Variants in ESYT2 observed in about 807,000 individuals in gnomAD.
ESYT2 encodes extended synaptotagmin 2.
In ESYT2, 54 loss-of-function variants were observed where a neutral mutation model predicts 107.2. That is an observed-to-expected ratio of 0.50 (90% CI 0.40 to 0.63). The LOEUF is 0.63. Ranked by LOEUF, ESYT2 falls within the 30% of genes least tolerant of loss-of-function variation. The pLI is 0.00. For missense variants in ESYT2, 1,020 were observed against 1,094.5 expected (o/e 0.93, Z 0.96); for synonymous variants, 491 against 434.1 (o/e 1.13, Z -1.63).
rs528813013 is a variant in ESYT2, at chr7:158,752,127, A to G, written c.1482+654T>C. Among the ~76,000 whole-genome samples, 8 of 152,302 alleles carry G rather than the reference A, an allele frequency of 5.3e-5. 1 individual carries two copies. The highest frequency in any genetic ancestry group is 1.7e-4 in the African/African-American group (7 of 41,570). ...TAAATAATTTCATTTAAAATTCCCC[A>G]CCTCTCCCTAAAATTTAAGCCTAAA... On this transcript the variant is annotated intron_variant, in intron 14 of 22. Coordinates refer to ENST00000275418, the MANE Select transcript of ESYT2 (RefSeq NM_001367773.1).
chr7:158,827,162 C>CA (rs34940580), intron 1 of ESYT2, among the ~76,000 whole-genome samples: 11,197 of 105,832 alleles, frequency 0.11, 641 homozygotes, highest in Admixed American at 0.22. Context: ...GGCTCTGTCT[C>CA]AAAAAAAAAA....
At chr7:158,777,879 G>A (rs947553616) in intron 6 of ESYT2, among the ~76,000 whole-genome samples, 3 of 152,130 alleles carry the variant, frequency 2.0e-5, no homozygotes, top group Non-Finnish European at 4.4e-5. Flanking sequence ...GAAATTCTGC[G>A]AGAATTGCCG....
chr7:158,780,960 G>A (rs1007197068), intron 6 of ESYT2, among the ~76,000 whole-genome samples: 5 of 152,224 alleles, frequency 3.3e-5, no homozygotes, highest in African/African-American at 4.8e-5. Flanking sequence ...CAAAGAGTGT[G>A]AGAGGCTGTG....
chr7:158,810,275 A>T (rs1480418198), intron 1 of ESYT2, among the ~76,000 whole-genome samples: 1 of 152,244 alleles, frequency 6.6e-6, no homozygotes, highest in Non-Finnish European at 1.5e-5. Flanking sequence ...AAAACAGCTC[A>T]AAGGATCATT....
intron 6 of ESYT2, among the ~76,000 whole-genome samples, chr7:158,781,142 G>C (rs552869627): frequency 2.0e-5 from 3 of 152,234 alleles, no homozygotes; most frequent in South Asian, 2.1e-4. Flanking sequence ...AGTGTGAAAC[G>C]AATGTGAGAA....
intron 5 of ESYT2, 89 bp downstream of exon 5, chr7:158,788,256 G>T: frequency 7.4e-7 from 1 of 1,348,610 alleles, no homozygotes; most frequent in Non-Finnish European, 1.0e-6. Context: ...AAAATTCCAA[G>T]CTAAAAAAAC....
At chr7:158,816,409 A>G (rs1014279407) in intron 1 of ESYT2, among the ~76,000 whole-genome samples, 16 of 152,200 alleles carry the variant, frequency 1.1e-4, no homozygotes, top group African/African-American at 3.6e-4. Flanking sequence ...ACAAAACAGA[A>G]AGCAGAATGG....
At chr7:158,787,666 ATTTAGC>A (rs1363049703) in intron 6 of ESYT2, among the ~76,000 whole-genome samples, 1 of 152,236 alleles carries the variant, frequency 6.6e-6, no homozygotes, top group Non-Finnish European at 1.5e-5. Flanking sequence ...CAATGTTAAC[ATTTAGC>A]TTTAGAGTCA....
At chr7:158,741,500 A>G (rs1403227837) in intron 18 of ESYT2, 23 bp downstream of exon 18, 1 of 1,540,924 alleles carries the variant, frequency 6.5e-7, no homozygotes, top group East Asian at 2.3e-5. Context: ...CTGGTGAGAA[A>G]CAACATGGTG....
intron 8 of ESYT2, among the ~76,000 whole-genome samples, chr7:158,766,267 C>G (rs1838161847): frequency 6.6e-6 from 1 of 152,152 alleles, no homozygotes; most frequent in Non-Finnish European, 1.5e-5. Flanking sequence ...CGAAGCAGCT[C>G]TTGTTTATAT....
intron 17 of ESYT2, among the ~76,000 whole-genome samples, chr7:158,742,718 C>T (rs1409991301): frequency 6.6e-6 from 1 of 152,210 alleles, no homozygotes; most frequent in Non-Finnish European, 1.5e-5. Flanking sequence ...ACTCCACTCA[C>T]GTGACAGCTT....
At chr7:158,748,557 G>A (rs527677619) in intron 15 of ESYT2, among the ~76,000 whole-genome samples, 4 of 152,176 alleles carry the variant, frequency 2.6e-5, no homozygotes, top group East Asian at 1.9e-4. Context: ...TAAAGGCTTC[G>A]TGTGCGTGGC....
Position 158,741,852 on chromosome 7 carries a change from G to A in ESYT2, c.1839C>T (p.His613=), listed in dbSNP as rs1281913428. ...CAGAGGGACGTTTGACTTGAGCTGA[G>A]TGTTGGTGGTCTGGAGGCCTTTCTC... ...EKRERPPDHQ[H]SAQVKRPSVS... Residue 613 remains histidine (H), a synonymous_variant, in exon 18 of 23, where the codon CAC becomes CAT. Coordinates refer to ENST00000275418, the MANE Select transcript of ESYT2 (RefSeq NM_001367773.1). The A allele has an allele frequency of 8.1e-6, 13 of 1,613,180 alleles. No individual in the cohort carries two copies. In the South Asian group the frequency reaches 8.8e-5, roughly 11 times the overall value.
At chr7:158,738,537 C>A (rs1837067126) in intron 19 of ESYT2, among the ~76,000 whole-genome samples, 1 of 152,128 alleles carries the variant, frequency 6.6e-6, no homozygotes, top group South Asian at 2.1e-4. Context: ...TCACAGCAAC[C>A]TCTGCCTCCT....
At position 158,817,956 on chromosome 7, in the gene ESYT2, T is replaced by C. The variant is rs35513757; in HGVS notation, c.330+11133A>G. 5.2e-3 allele frequency among the ~76,000 whole-genome samples: 792 copies of C among 152,302 alleles called. 5 individuals are homozygous for C. The highest frequency in any genetic ancestry group is 8.8e-3 in the Non-Finnish European group (596 of 68,024). On this transcript the variant is annotated intron_variant, in intron 1 of 22. Coordinates refer to ENST00000275418, the MANE Select transcript of ESYT2 (RefSeq NM_001367773.1). The stretch of plus-strand genomic sequence containing the variant: ...TTTATGGCATGAAGTTAGATAATGT[T>C]CTCCCAAATCACTGGATTTATTTTC...
intron 14 of ESYT2, among the ~76,000 whole-genome samples, chr7:158,751,178 C>A (rs967672647): frequency 1.3e-5 from 2 of 152,150 alleles, no homozygotes; most frequent in Non-Finnish European, 2.9e-5. Context: ...AGAGTTGTCA[C>A]TGCCCTAACC....
intron 1 of ESYT2, among the ~76,000 whole-genome samples, chr7:158,807,333 G>A (rs564919277): frequency 6.6e-6 from 1 of 151,430 alleles, no homozygotes; most frequent in East Asian, 1.9e-4. Context: ...ATTAACATCG[G>A]ACTTAAAATT....
rs537619763 is a variant in ESYT2, at chr7:158,734,335, A to G, written c.2556-83T>C. The G allele has an allele frequency of 6.5e-5, 105 of 1,612,088 alleles. No homozygotes were observed. The African/African-American group carries it at 1.2e-3, about 18-fold the overall frequency. On this transcript the variant is annotated intron_variant, in intron 22 of 22. Coordinates refer to ENST00000275418, the MANE Select transcript of ESYT2 (RefSeq NM_001367773.1). ...TATCAGATACGTGTCGGGTTCCACC[A>G]CTGTCTGTGGGGGACACTACCCACT...
intron 11 of ESYT2, among the ~76,000 whole-genome samples, chr7:158,761,143 CA>C (rs1439954581): frequency 3.9e-5 from 6 of 152,150 alleles, no homozygotes; most frequent in Admixed American, 6.5e-5. Flanking sequence ...CCATTCCCTC[CA>C]AACACCTGAA....
Sources: allele counts gnomAD v4.1 joint callset (sites outside exome capture counted in the v4.1 genomes callset), GRCh38; gene constraint gnomAD v4.1.1; transcripts MANE v1.5; gene names NCBI Gene and HGNC (gene_info 2026-07-23, HGNC 2026-07-21).